MAF: variants seen among roughly 807,000 people sequenced by gnomAD.
The protein encoded by MAF is transcription factor Maf.
MAF carries 10 observed loss-of-function variants against 22.0 expected under a neutral mutation model. That is an observed-to-expected ratio of 0.45 (90% confidence interval 0.28 to 0.77). MAF has a LOEUF of 0.77. Ranked by LOEUF, MAF falls within the 30% of genes least tolerant of loss-of-function variation. The pLI, the probability that MAF is intolerant of heterozygous loss-of-function variation, is 0.12. For missense variants in MAF, 544 were observed against 548.4 expected, an observed-to-expected ratio of 0.99 and a Z score of 0.08; for synonymous variants, 337 against 255.8, an observed-to-expected ratio of 1.32 and a Z score of -3.03.
the MAF span, among the ~76,000 whole-genome samples, chr16:79,469,087 C>G: frequency 6.6e-6 from 1 of 152,134 alleles, no homozygotes; most frequent in Non-Finnish European, 1.5e-5. Flanking sequence ...GCCCAAGGGC[C>G]CAACTCATGC....
chr16:79,396,034 G>A, the MAF span, among the ~76,000 whole-genome samples: 2 of 152,198 alleles, frequency 1.3e-5, no homozygotes, highest in Non-Finnish European at 2.9e-5. Flanking sequence ...TGGCATCTTG[G>A]AGATACTGGT....
chr16:79,581,703 G>A (rs16950734), downstream of MAF, among the ~76,000 whole-genome samples: 30,403 of 152,132 alleles, frequency 0.2, 3,687 homozygotes, highest in East Asian at 0.39. Flanking sequence ...GATGCTTGCC[G>A]AGGGAAAACA....
chr16:79,553,385 G>A, the MAF span, among the ~76,000 whole-genome samples: 24 of 152,376 alleles, frequency 1.6e-4, 1 homozygote, highest in African/African-American at 5.8e-4. Context: ...TAGAGGAGGG[G>A]CTGGTGTGAG....
the MAF span, among the ~76,000 whole-genome samples, chr16:79,470,929 C>G: frequency 6.6e-6 from 1 of 152,190 alleles, no homozygotes; most frequent in South Asian, 2.1e-4. Flanking sequence ...ATTCAGTTAA[C>G]TGGAAAAGAA....
At chr16:79,526,398 C>T in the MAF span, among the ~76,000 whole-genome samples, 2 of 152,170 alleles carry the variant, frequency 1.3e-5, no homozygotes, top group African/African-American at 4.8e-5. Flanking sequence ...AGGCAGAGCT[C>T]TGGCGGTAAT....
chr16:79,520,169 C>T, the MAF span, among the ~76,000 whole-genome samples: 2 of 152,212 alleles, frequency 1.3e-5, no homozygotes, highest in South Asian at 2.1e-4. Flanking sequence ...TCCCCTCTTG[C>T]CAGCTGCTCA....
At chr16:79,406,702 G>A in the MAF span, among the ~76,000 whole-genome samples, 3 of 152,194 alleles carry the variant, frequency 2.0e-5, no homozygotes, top group Admixed American at 1.3e-4. Flanking sequence ...TCTATAAGAA[G>A]AGTCAGATCT....
the MAF span, among the ~76,000 whole-genome samples, chr16:79,272,307 G>A: frequency 1.9e-4 from 29 of 152,336 alleles, no homozygotes; most frequent in African/African-American, 6.3e-4. Context: ...AGTGGATTCC[G>A]ATTTTGAAAG....
At chr16:79,343,254 A>G in the MAF span, among the ~76,000 whole-genome samples, 1 of 149,944 alleles carries the variant, frequency 6.7e-6, no homozygotes, top group African/African-American at 2.4e-5. Flanking sequence ...CCCCAAAAAA[A>G]TCTATGTGTG....
At chr16:79,533,068 G>A in the MAF span, among the ~76,000 whole-genome samples, 1 of 152,112 alleles carries the variant, frequency 6.6e-6, no homozygotes, top group African/African-American at 2.4e-5. Context: ...GTAACTTAGT[G>A]TCTTAGTTTC....
the MAF span, among the ~76,000 whole-genome samples, chr16:79,410,666 A>G: frequency 1.3e-5 from 2 of 152,356 alleles, no homozygotes; most frequent in East Asian, 3.9e-4. Context: ...AGGGCAAAGA[A>G]AAAAGAGTAG....
the MAF span, among the ~76,000 whole-genome samples, chr16:79,284,531 A>G: frequency 2.6e-5 from 4 of 152,210 alleles, no homozygotes; most frequent in Non-Finnish European, 4.4e-5. Flanking sequence ...GAGAGCAGAG[A>G]TATTTCTAGT....
At chr16:79,434,020 G>C in the MAF span, among the ~76,000 whole-genome samples, 1 of 152,124 alleles carries the variant, frequency 6.6e-6, no homozygotes, top group Non-Finnish European at 1.5e-5. Flanking sequence ...AGCATCCTCA[G>C]GGCAAGGTAG....
At chr16:79,355,894 C>T in the MAF span, among the ~76,000 whole-genome samples, 34 of 152,212 alleles carry the variant, frequency 2.2e-4, no homozygotes, top group East Asian at 1.2e-3. Context: ...CCAAATTGAA[C>T]GTACATGAGT....
the MAF span, among the ~76,000 whole-genome samples, chr16:79,462,479 A>C: frequency 6.6e-6 from 1 of 152,098 alleles, no homozygotes; most frequent in Non-Finnish European, 1.5e-5. Flanking sequence ...TACCCCACCT[A>C]ACAATTCCCT....
At chr16:79,300,038 G>A in the MAF span, among the ~76,000 whole-genome samples, 29 of 152,250 alleles carry the variant, frequency 1.9e-4, no homozygotes, top group African/African-American at 4.3e-4. Context: ...CCCACCTGGC[G>A]TCTCTTCCGC....
the MAF span, among the ~76,000 whole-genome samples, chr16:79,563,098 C>CTA: frequency 0.076 from 11,545 of 152,230 alleles, 468 homozygotes; most frequent in Middle Eastern, 0.12. Context: ...GACAGCAGAA[C>CTA]TTACGCTCAG....
the MAF span, among the ~76,000 whole-genome samples, chr16:79,332,214 C>A: frequency 1.3e-5 from 2 of 152,234 alleles, no homozygotes; most frequent in Admixed American, 6.5e-5. Flanking sequence ...GACGTGCTAT[C>A]TATTCACTCA....
At chr16:79,533,206 T>A in the MAF span, among the ~76,000 whole-genome samples, 60 of 152,312 alleles carry the variant, frequency 3.9e-4, no homozygotes, top group Non-Finnish European at 5.4e-4. Context: ...CTACTCTTCT[T>A]ATCAACATAA....
Sources: allele counts gnomAD v4.1 joint callset (sites outside exome capture counted in the v4.1 genomes callset), GRCh38; gene constraint gnomAD v4.1.1; transcripts MANE v1.5; gene names NCBI Gene and HGNC (gene_info 2026-07-23, HGNC 2026-07-21).